The following RAI14 variants were observed in gnomAD, a reference collection of about 807,000 sequenced individuals.
RAI14 encodes retinoic acid induced 14.
RAI14 carries 45 observed loss-of-function variants against 115.4 expected under a neutral mutation model. That is an observed-to-expected ratio of 0.39 (90% CI 0.31 to 0.50). The LOEUF (loss-of-function observed/expected upper bound fraction) is 0.50, where lower values mean the gene tolerates loss of function less well. Among genes scored for constraint, RAI14 ranks in the 20% least tolerant of loss-of-function variants. The probability of loss-of-function intolerance (pLI) is 0.85; values close to 1 mark genes in which losing one functional copy is unlikely to be tolerated. For synonymous variants in RAI14, 371 were observed against 415.4 expected (o/e 0.89, Z 1.30); for missense variants, 939 against 1,131.2 (o/e 0.83, Z 2.44).
intron 2 of RAI14, among the ~76,000 whole-genome samples, chr5:34,689,741 G>T (rs1036735656): frequency 6.6e-6 from 1 of 151,762 alleles, no homozygotes; most frequent in African/African-American, 2.4e-5. Flanking sequence ...GTGTGGTGGT[G>T]CATGCCTGTA....
intron 16 of RAI14, 139 bp from the exon 17 acceptor site, chr5:34,829,593 T>C (rs560403965): frequency 5.1e-6 from 3 of 591,728 alleles, no homozygotes; most frequent in Admixed American, 7.1e-5. Context: ...GCCACAACAA[T>C]TTTAGAAGCT....
intron 2 of RAI14, among the ~76,000 whole-genome samples, chr5:34,722,838 G>A (rs541648788): frequency 5.3e-5 from 8 of 151,834 alleles, no homozygotes; most frequent in Admixed American, 1.3e-4. Context: ...GGGAGGCTGA[G>A]GTGGGCAGAT....
At chr5:34,689,328 C>A (rs963224941) in intron 2 of RAI14, among the ~76,000 whole-genome samples, 11 of 151,966 alleles carry the variant, frequency 7.2e-5, no homozygotes, top group African/African-American at 2.7e-4. Context: ...AGGCTTGAGC[C>A]CAAGAGGTCA....
intron 2 of RAI14, among the ~76,000 whole-genome samples, chr5:34,755,609 C>T (rs72730574): frequency 0.083 from 12,677 of 152,206 alleles, 685 homozygotes; most frequent in Non-Finnish European, 0.12. Context: ...CACCTGGTCT[C>T]TACCTACTCA....
chr5:34,722,242 G>A (rs537805375), intron 2 of RAI14, among the ~76,000 whole-genome samples: 1 of 149,004 alleles, frequency 6.7e-6, no homozygotes, highest in African/African-American at 2.5e-5. Context: ...GAGGCCTTTA[G>A]GGTGGGCCCT....
chr5:34,686,602 C>T (rs151293507), intron 1 of RAI14, among the ~76,000 whole-genome samples: 20 of 151,542 alleles, frequency 1.3e-4, no homozygotes, highest in African/African-American at 4.8e-4. Context: ...ATGTTTTACA[C>T]CATAAAAGTA....
intron 3 of RAI14, among the ~76,000 whole-genome samples, chr5:34,776,377 A>G (rs922270640): frequency 1.3e-5 from 2 of 152,212 alleles, no homozygotes; most frequent in African/African-American, 4.8e-5. Flanking sequence ...AGTATAGTCA[A>G]CAATAATTAT....
At chr5:34,783,367 C>A (rs150184056) in intron 3 of RAI14, among the ~76,000 whole-genome samples, 502 of 152,264 alleles carry the variant, frequency 3.3e-3, no homozygotes, top group Non-Finnish European at 5.8e-3. Flanking sequence ...TCGGGATCCT[C>A]CTGGTATCTC....
chr5:34,665,178 C>CATATATGT lies in RAI14; in HGVS notation c.-49+8709_-49+8710insGTATATAT, dbSNP rs1554037638. Among the ~76,000 whole-genome samples, 11 of 7,086 alleles carry CATATATGT rather than the reference C, an allele frequency of 1.6e-3. 2 individuals carry two copies. The highest frequency in any genetic ancestry group is 6.1e-3 in the African/African-American group (10 of 1,642). 4.6% of individuals were successfully genotyped at this position (7,086 alleles called of 152,430 possible). The stretch of plus-strand genomic sequence containing the variant: ...GTGTGTGTATATATATATATACACA[C>CATATATGT]ATATATATATGTATATATATACACA... On this transcript the variant is annotated intron_variant, in intron 1 of 17. Coordinates refer to ENST00000265109, the MANE Select transcript of RAI14 (RefSeq NM_015577.3).
At chr5:34,811,232 C>T in intron 8 of RAI14, 114 bp downstream of exon 8, 1 of 1,220,398 alleles carries the variant, frequency 8.2e-7, no homozygotes, top group Non-Finnish European at 1.2e-6. Context: ...TTTTTAACTT[C>T]TTACCTTTTT....
At chr5:34,752,701 ATATGTGTGTG>A (rs1182411402) in intron 2 of RAI14, among the ~76,000 whole-genome samples, 1,371 of 89,916 alleles carry the variant, frequency 0.015, 85 homozygotes, top group African/African-American at 0.034. Flanking sequence ...TTTCTTACAT[ATATGTGTGTG>A]TGTGTGTGTG....
chr5:34,799,020 A>G (rs985144261), intron 4 of RAI14, among the ~76,000 whole-genome samples: 5 of 152,342 alleles, frequency 3.3e-5, no homozygotes, highest in Admixed American at 2.0e-4. Flanking sequence ...GCTTCTTCCC[A>G]TGATTTCTTG....
In RAI14 at chr5:34,800,591, G is replaced by A. The variant is rs1374412161; in HGVS notation, c.257-3121G>A. 3.9e-5 allele frequency among the ~76,000 whole-genome samples: 6 copies of A among 152,320 alleles called. No homozygotes were observed. In the Middle Eastern group the frequency reaches 0.01, roughly 259 times the overall value. ...TTCAGTGTTATAGTGTTCAGGGAAT[G>A]ATGCGTCATTCGGATTTTGAGACTA... On this transcript the variant is annotated intron_variant, in intron 4 of 17. Coordinates refer to ENST00000265109, the MANE Select transcript of RAI14 (RefSeq NM_015577.3).
At chr5:34,678,065 G>A (rs999056406) in intron 1 of RAI14, among the ~76,000 whole-genome samples, 6 of 151,718 alleles carry the variant, frequency 4.0e-5, no homozygotes. Context: ...GGCAGAGGAA[G>A]ATAAGAAGTT....
At chr5:34,798,196 G>A (rs945073265) in intron 4 of RAI14, among the ~76,000 whole-genome samples, 3 of 151,922 alleles carry the variant, frequency 2.0e-5, no homozygotes, top group African/African-American at 7.3e-5. Context: ...CCACCACCAC[G>A]CCCGGCTAAT....
At chr5:34,708,365 G>T (rs1740988191) in intron 2 of RAI14, among the ~76,000 whole-genome samples, 1 of 152,060 alleles carries the variant, frequency 6.6e-6, no homozygotes, top group Admixed American at 6.6e-5. Flanking sequence ...ACCTCGCCCG[G>T]CTAATTTTCT....
chr5:34,734,272 C>T (rs780419803), intron 2 of RAI14, among the ~76,000 whole-genome samples: 2 of 152,188 alleles, frequency 1.3e-5, no homozygotes, highest in Admixed American at 6.5e-5. Context: ...CCTGAAGGAA[C>T]GAGCACTGCT....
At chr5:34,714,766 C>T (rs1243431152) in intron 2 of RAI14, among the ~76,000 whole-genome samples, 1 of 152,154 alleles carries the variant, frequency 6.6e-6, no homozygotes, top group Non-Finnish European at 1.5e-5. Context: ...TTCTGTCCAC[C>T]TCTCTGCTAA....
At chr5:34,751,345 G>A (rs1015157123) in intron 2 of RAI14, among the ~76,000 whole-genome samples, 2 of 151,810 alleles carry the variant, frequency 1.3e-5, no homozygotes, top group Non-Finnish European at 2.9e-5. Context: ...GTTTCACCAT[G>A]TTGGTCAGGC....
Sources: gnomAD v4.1 joint callset for allele counts (sites outside exome capture counted in the v4.1 genomes callset) on GRCh38, gnomAD v4.1.1 for gene constraint, MANE v1.5 for transcripts, NCBI Gene and HGNC (gene_info 2026-07-23, HGNC 2026-07-21) for gene names.